The following APAF1 variants were observed in gnomAD, a reference collection of about 807,000 sequenced individuals.
APAF1 encodes apoptotic protease-activating factor 1.
In APAF1, 91 loss-of-function variants were observed where a neutral mutation model predicts 152.4. The observed-to-expected ratio is 0.60, with a 90% CI of 0.50 to 0.71. The LOEUF (loss-of-function observed/expected upper bound fraction) is 0.71, where lower values mean the gene tolerates loss of function less well. Ranked by LOEUF, APAF1 falls within the 30% of genes least tolerant of loss-of-function variation. The pLI, the probability that APAF1 is intolerant of heterozygous loss-of-function variation, is 0.00. For synonymous variants in APAF1, 484 were observed against 494.1 expected (o/e 0.98, Z 0.27); for missense variants, 1,283 against 1,472.0 (o/e 0.87, Z 2.10).
chr12:98,646,263 A>G (rs762222425), intron 1 of APAF1, among the ~76,000 whole-genome samples: 5 of 152,238 alleles, frequency 3.3e-5, no homozygotes, highest in Non-Finnish European at 7.3e-5. Flanking sequence ...GAATTTCATT[A>G]CTATAAATTA....
At chr12:98,688,810 T>C (rs933197454) in intron 16 of APAF1, among the ~76,000 whole-genome samples, 1 of 151,770 alleles carries the variant, frequency 6.6e-6, no homozygotes, top group Non-Finnish European at 1.5e-5. Context: ...CTCTTCTCTT[T>C]TCTTTCTTTC....
At position 98,683,156 on chromosome 12, in the gene APAF1, TG is replaced by T; in HGVS notation, c.2061del (p.Met687IlefsTer5). The T allele has an allele frequency of 6.2e-7, 1 of 1,613,238 alleles. No homozygotes were observed. Among genetic ancestry groups the T allele is most frequent in the Non-Finnish European group, 8.5e-7 (1 of 1,179,398 alleles). ...VDKKVKIWNS[M>X]TGELVHTYDE... The stretch of plus-strand genomic sequence containing the variant: ...TTTTCTCTTTAGATTTGGAATTCTA[TG>T]ACTGGGGAACTAGTACACACCTATG... On this transcript the variant is annotated frameshift_variant, in exon 15 of 27. Coordinates refer to ENST00000551964, the MANE Select transcript of APAF1 (RefSeq NM_181861.2). LOFTEE classifies it high-confidence loss of function.
At position 98,649,634 on chromosome 12, in the gene APAF1, G is replaced by A; in HGVS notation, c.476G>A (p.Gly159Glu). 6.2e-7 allele frequency: 1 copy of A among 1,614,166 alleles called. No homozygotes were observed. Among genetic ancestry groups the A allele is most frequent in the Non-Finnish European group, 8.5e-7 (1 of 1,180,016 alleles). ...ACCATACATGGAATGGCAGGCTGTG[G>A]GAAGTCTGTATTAGCTGCAGAAGCT... ...WVTIHGMAGCGKSVLAAEAVR... is the reference protein window; with the variant it reads ...WVTIHGMAGCEKSVLAAEAVR... The change falls in exon 4 of 27, where the codon GGG (glycine) becomes GAG (glutamate). Residue 159 changes from glycine to glutamate, a missense_variant. Gly to Glu is a moderately conservative substitution (Grantham distance 98). Transcript: ENST00000551964.
Position 98,723,317 on chromosome 12 carries a change from T to C in APAF1, c.3204+5T>C. On this transcript the variant is annotated splice_donor_5th_base_variant and intron_variant, in intron 23 of 26. Transcript: ENST00000551964. Reference sequence around the variant, plus strand: ...TCATTTGATGGAACAGTGAAGGTAATTTAAAGTATAAATTTGTTTTTTGAA... The same window carrying C: ...TCATTTGATGGAACAGTGAAGGTAACTTAAAGTATAAATTTGTTTTTTGAA... 2.5e-6 allele frequency: 4 copies of C among 1,613,064 alleles called. No homozygotes were observed. The highest frequency in any genetic ancestry group is 3.4e-6 in the Non-Finnish European group (4 of 1,179,236).
chr12:98,674,543 T>C lies in APAF1; in HGVS notation c.1793+2824T>C, dbSNP rs115502224. Among the ~76,000 whole-genome samples the C allele has an allele frequency of 4.7e-3, 711 of 152,234 alleles. 4 individuals are homozygous for C. Among genetic ancestry groups the C allele is most frequent in the African/African-American group, 0.016 (679 of 41,534 alleles). ...AACTGTTTGCCCCATATCATAGGATTTGTCACACTTTATAGTGATTATCTG... is the reference window on the plus strand; with the variant it reads ...AACTGTTTGCCCCATATCATAGGATCTGTCACACTTTATAGTGATTATCTG... On this transcript the variant is annotated intron_variant, in intron 12 of 26. Transcript: ENST00000551964.
At chr12:98,713,639 A>G (rs1304728572) in intron 21 of APAF1, among the ~76,000 whole-genome samples, 1 of 152,260 alleles carries the variant, frequency 6.6e-6, no homozygotes, top group Non-Finnish European at 1.5e-5. Flanking sequence ...AGTGAAATTC[A>G]TCCCAAAAGC....
intron 21 of APAF1, chr12:98,712,683 A>ATTT: frequency 1.4e-5 from 5 of 348,796 alleles, no homozygotes; most frequent in Non-Finnish European, 2.1e-5. Flanking sequence ...TGCCCGACTA[A>ATTT]TTTTTTTTTT....
chr12:98,654,735 T>A (rs1339992835), intron 4 of APAF1, among the ~76,000 whole-genome samples: 1 of 152,016 alleles, frequency 6.6e-6, no homozygotes, highest in Non-Finnish European at 1.5e-5. Context: ...GTAGTACAAA[T>A]TTAAAAAAAT....
intron 18 of APAF1, among the ~76,000 whole-genome samples, chr12:98,705,963 C>T (rs1302293955): frequency 6.6e-6 from 1 of 152,172 alleles, no homozygotes; most frequent in Non-Finnish European, 1.5e-5. Context: ...CTCGCTCTCC[C>T]TCCTTCCCTG....
At chr12:98,692,244 G>A (rs2097705056) in intron 16 of APAF1, among the ~76,000 whole-genome samples, 1 of 151,948 alleles carries the variant, frequency 6.6e-6, no homozygotes, top group South Asian at 2.1e-4. Flanking sequence ...TGCCATGCCC[G>A]GCTAATTTTT....
chr12:98,662,597 C>G (rs755473881), intron 6 of APAF1, 29 bp downstream of exon 6: 1 of 1,601,250 alleles, frequency 6.2e-7, no homozygotes, highest in African/African-American at 1.3e-5. Context: ...CTTTTTAGTA[C>G]CTTTATATTT....
intron 13 of APAF1, among the ~76,000 whole-genome samples, chr12:98,679,685 A>T (rs1167277558): frequency 6.6e-6 from 1 of 152,220 alleles, no homozygotes. Flanking sequence ...GGTTCCTGGC[A>T]TCTCCAAGCT....
intron 4 of APAF1, among the ~76,000 whole-genome samples, chr12:98,654,835 T>TTTTTTA (rs1565856303): frequency 7.8e-6 from 1 of 127,894 alleles, no homozygotes; most frequent in Non-Finnish European, 1.6e-5. Context: ...TTTTTTTTTT[T>TTTTTTA]AATTTATTTT....
At chr12:98,685,639 ACTC>A (rs2097697241) in intron 15 of APAF1, among the ~76,000 whole-genome samples, 1 of 141,406 alleles carries the variant, frequency 7.1e-6, no homozygotes, top group Non-Finnish European at 1.5e-5. Context: ...CAGCTTATAA[ACTC>A]CTCCACTTTT....
intron 16 of APAF1, among the ~76,000 whole-genome samples, chr12:98,695,100 T>G (rs1489642176): frequency 6.6e-6 from 1 of 152,108 alleles, no homozygotes; most frequent in Non-Finnish European, 1.5e-5. Flanking sequence ...TTGCCCAGGC[T>G]GGAGTGCAGT....
chr12:98,667,688 T>C, intron 10 of APAF1, 44 bp downstream of exon 10: 1 of 1,599,796 alleles, frequency 6.3e-7, no homozygotes, highest in African/African-American at 1.3e-5. Flanking sequence ...ACTTCCCTTT[T>C]TCCATATGTA....
rs2097644816 is a variant in APAF1 at position 98,648,436 on chromosome 12, T to C, written c.77T>C (p.Met26Thr). Reference protein sequence around the residue: ...LEKDIKTSYIMDHMISDGFLT... With the variant: ...LEKDIKTSYITDHMISDGFLT... ...AAGGACATCAAGACATCCTACATCA[T>C]GGATCACATGATTAGTGATGGATTT... The change falls in exon 2 of 27, where the codon ATG becomes ACG. Residue 26 changes from methionine (M) to threonine (T), a missense_variant. Transcript: ENST00000551964. 1.2e-6 allele frequency: 2 copies of C among 1,613,996 alleles called. No homozygotes were observed. Among genetic ancestry groups the C allele is most frequent in the Non-Finnish European group, 1.7e-6 (2 of 1,179,898 alleles).
intron 26 of APAF1, 99 bp downstream of exon 26, chr12:98,727,415 C>CAGCAG (rs1253239313): frequency 1.4e-6 from 2 of 1,396,376 alleles, no homozygotes; most frequent in Non-Finnish European, 2.0e-6. Context: ...TTTTACAACC[C>CAGCAG]AGCAGAGTAA....
intron 20 of APAF1, 75 bp from the exon 21 acceptor site, chr12:98,712,244 A>C (rs1593100155): frequency 2.4e-6 from 2 of 822,294 alleles, no homozygotes; most frequent in East Asian, 4.8e-5. Flanking sequence ...TATTTTTTTC[A>C]ATTGAAGCCT....
Sources: allele counts gnomAD v4.1 joint callset (sites outside exome capture counted in the v4.1 genomes callset), GRCh38; gene constraint gnomAD v4.1.1; transcripts MANE v1.5; gene names NCBI Gene and HGNC (gene_info 2026-07-23, HGNC 2026-07-21).